LCORL: variants seen among roughly 807,000 people sequenced by gnomAD.
LCORL encodes the protein ligand dependent nuclear receptor corepressor like.
LCORL carries 41 observed loss-of-function variants against 141.8 expected under a neutral mutation model. That is an observed-to-expected ratio of 0.29 (90% CI 0.23 to 0.38). The LOEUF (loss-of-function observed/expected upper bound fraction) is 0.38. Ranked by LOEUF, LCORL falls within the 10% of genes least tolerant of loss-of-function variation. LCORL has a pLI of 1.00. For synonymous variants in LCORL, 618 were observed against 694.1 expected, an observed-to-expected ratio of 0.89 and a Z score of 1.72; for missense variants, 1,759 against 2,035.0, an observed-to-expected ratio of 0.86 and a Z score of 2.61.
In LCORL at chr4:17,921,906, GC is replaced by G. The variant is rs1373557209; in HGVS notation, c.431-12562del. On this transcript the variant is annotated intron_variant, in intron 4 of 7. Coordinates refer to ENST00000635767, the Ensembl canonical transcript of LCORL. ...CCTTCTCTCGCGCTGGATGCTTCCT[GC>G]CCTCGAACATCAAACTCCCAAGTTC... Among the ~76,000 whole-genome samples, 4 of 152,164 alleles carry G rather than the reference GC, an allele frequency of 2.6e-5. No individual in the cohort carries two copies. In the East Asian group the frequency reaches 5.8e-4, roughly 22 times the overall value.
At chr4:17,849,525 T>A (rs1372450212) in intron 7 of LCORL, among the ~76,000 whole-genome samples, 43 of 152,148 alleles carry the variant, frequency 2.8e-4, no homozygotes, top group Admixed American at 1.7e-3. Flanking sequence ...AACCCATCTG[T>A]AAATCACCAT....
At chr4:17,916,777 T>C (rs1043635694) in intron 4 of LCORL, among the ~76,000 whole-genome samples, 3 of 151,138 alleles carry the variant, frequency 2.0e-5, no homozygotes, top group African/African-American at 7.3e-5. Flanking sequence ...CCCGAGTAGC[T>C]GGGATTACAG....
At chr4:18,013,107 T>C (rs1480718707) in intron 1 of LCORL, among the ~76,000 whole-genome samples, 1 of 152,220 alleles carries the variant, frequency 6.6e-6, no homozygotes, top group Non-Finnish European at 1.5e-5. Context: ...CCCTGTTTCA[T>C]GGTACTTGAC....
At chr4:17,942,015 T>C (rs973610220) in intron 4 of LCORL, among the ~76,000 whole-genome samples, 1 of 152,168 alleles carries the variant, frequency 6.6e-6, no homozygotes, top group African/African-American at 2.4e-5. Context: ...GAATTATAGT[T>C]AGGGGTGCCA....
chr4:17,985,549 T>C (rs1360284360), intron 1 of LCORL, among the ~76,000 whole-genome samples: 1 of 152,192 alleles, frequency 6.6e-6, no homozygotes, highest in Non-Finnish European at 1.5e-5. Context: ...TGATCTTTGT[T>C]GGTTTAAAGT....
chr4:17,971,364 TAATA>T (rs1715894338), intron 2 of LCORL, among the ~76,000 whole-genome samples: 1 of 151,778 alleles, frequency 6.6e-6, no homozygotes, highest in Non-Finnish European at 1.5e-5. Flanking sequence ...TCCACATCAT[TAATA>T]AACTCAACAA....
At chr4:18,000,745 A>G (rs1333492790) in intron 1 of LCORL, among the ~76,000 whole-genome samples, 1 of 152,198 alleles carries the variant, frequency 6.6e-6, no homozygotes, top group Non-Finnish European at 1.5e-5. Flanking sequence ...TGAGAATACT[A>G]TTCATATTTT....
At chr4:17,967,046 A>C (rs1715026223) in intron 2 of LCORL, among the ~76,000 whole-genome samples, 1 of 152,208 alleles carries the variant, frequency 6.6e-6, no homozygotes, top group African/African-American at 2.4e-5. Context: ...TGAATGAATA[A>C]GCAAACTGTG....
intron 4 of LCORL, among the ~76,000 whole-genome samples, chr4:17,941,193 G>A (rs554245949): frequency 6.6e-5 from 10 of 152,084 alleles, no homozygotes; most frequent in Non-Finnish European, 1.0e-4. Context: ...CGGCTAACAC[G>A]GTGAAACCCC....
chr4:17,910,282 C>T (rs11936493), intron 4 of LCORL, among the ~76,000 whole-genome samples: 11,287 of 152,228 alleles, frequency 0.074, 949 homozygotes, highest in African/African-American at 0.21. Flanking sequence ...GTGGCTTTTA[C>T]ACACACATTT....
intron 4 of LCORL, among the ~76,000 whole-genome samples, chr4:17,922,661 C>T (rs1332840687): frequency 2.6e-5 from 4 of 152,102 alleles, no homozygotes; most frequent in Non-Finnish European, 4.4e-5. Flanking sequence ...TCTTATCATG[C>T]GAGTGGCTGA....
At chr4:17,972,328 ATT>A (rs1214642153) in intron 2 of LCORL, among the ~76,000 whole-genome samples, 1 of 151,844 alleles carries the variant, frequency 6.6e-6, no homozygotes, top group African/African-American at 2.4e-5. Context: ...TCACTTAGCC[ATT>A]GTTTCTTCCT....
intron 4 of LCORL, among the ~76,000 whole-genome samples, chr4:17,955,078 G>A (rs1211968938): frequency 2.6e-5 from 4 of 152,136 alleles, no homozygotes; most frequent in Non-Finnish European, 5.9e-5. Context: ...ATATCAAGAA[G>A]AGAAGACAGC....
exon 7 of LCORL, chr4:17,873,579 G>T (rs1726600745): frequency 8.1e-7 from 1 of 1,233,744 alleles, no homozygotes; most frequent in African/African-American, 1.5e-5. Flanking sequence ...AAGATGGTCA[G>T]CAAATTCATC....
At chr4:17,949,326 T>A (rs1018548100) in intron 4 of LCORL, among the ~76,000 whole-genome samples, 1 of 152,108 alleles carries the variant, frequency 6.6e-6, no homozygotes, top group Admixed American at 6.6e-5. Flanking sequence ...AAATGAATCC[T>A]CTCAGGACTT....
intron 6 of LCORL, chr4:17,883,097 T>C (rs1577320969): frequency 1.0e-6 from 1 of 970,110 alleles, no homozygotes; most frequent in South Asian, 4.8e-5. Flanking sequence ...ATGATAAATA[T>C]TAAATTTCAT....
chr4:17,841,576 T>C (rs1315119063), exon 8 of LCORL: 1 of 151,970 alleles, frequency 6.6e-6, no homozygotes, highest in Admixed American at 6.6e-5. Context: ...GACTGTCACA[T>C]TGAACAGTTT....
intron 7 of LCORL, among the ~76,000 whole-genome samples, chr4:17,870,400 G>A (rs905863843): frequency 6.6e-6 from 1 of 152,094 alleles, no homozygotes; most frequent in Non-Finnish European, 1.5e-5. Flanking sequence ...TACTACATCA[G>A]CCTCCTTCAA....
exon 6 of LCORL, chr4:17,886,134 T>C (rs1471919320): frequency 6.2e-7 from 1 of 1,605,162 alleles, no homozygotes; most frequent in Admixed American, 1.7e-5. Context: ...GCTGGTTTTC[T>C]TTGTAGAGAG....
Sources: allele counts gnomAD v4.1 joint callset (sites outside exome capture counted in the v4.1 genomes callset), GRCh38; gene constraint gnomAD v4.1.1; transcripts MANE v1.5; gene names NCBI Gene and HGNC (gene_info 2026-07-23, HGNC 2026-07-21).